The following TRDN variants were observed in gnomAD, a reference collection of about 807,000 sequenced individuals.
TRDN encodes the protein triadin.
A neutral mutation model predicts 149.7 loss-of-function variants in TRDN; 161 were observed. That is an observed-to-expected ratio of 1.08 (90% CI 0.95 to 1.23). TRDN has a LOEUF of 1.23. Ranked by LOEUF, TRDN falls within the 50% of genes most tolerant of loss-of-function variation. The pLI, the probability that TRDN is intolerant of heterozygous loss-of-function variation, is 0.00. For missense variants in TRDN, 896 were observed against 823.5 expected, an observed-to-expected ratio of 1.09 and a Z score of -1.08; for synonymous variants, 294 against 250.5, an observed-to-expected ratio of 1.17 and a Z score of -1.64.
rs1782892823 is a variant in TRDN at position 123,577,034 on chromosome 6, T to C, written c.23-5902A>G. ...GAAAGTGAATTTACAGGAGTTAAAA[T>C]AAGAAGGAACATTAGCACTGTTGAG... On this transcript the variant is annotated intron_variant, in intron 1 of 40. Transcript: ENST00000334268. Among the ~76,000 whole-genome samples, 2 of 151,986 alleles carry C rather than the reference T, an allele frequency of 1.3e-5. 1 individual carries two copies. The highest frequency in any genetic ancestry group is 4.1e-4 in the South Asian group (2 of 4,828).
At chr6:123,524,053 T>C (rs1400731592) in intron 5 of TRDN, among the ~76,000 whole-genome samples, 11 of 152,240 alleles carry the variant, frequency 7.2e-5, no homozygotes, top group African/African-American at 2.6e-4. Context: ...TTCTCAAACA[T>C]TAATGGCTCC....
intron 19 of TRDN, among the ~76,000 whole-genome samples, chr6:123,369,119 A>G (rs1243988449): frequency 6.6e-6 from 1 of 152,108 alleles, no homozygotes; most frequent in Non-Finnish European, 1.5e-5. Flanking sequence ...GCCTCCTCCT[A>G]GAGTCTGCTA....
chr6:123,464,767 A>G, intron 10 of TRDN, 139 bp downstream of exon 10: 1 of 1,409,302 alleles, frequency 7.1e-7, no homozygotes. Flanking sequence ...TTTTAGGAAA[A>G]GTATAGTTTA....
At chr6:123,332,306 C>T (rs1173983043) in intron 22 of TRDN, among the ~76,000 whole-genome samples, 2 of 31,144 alleles carry the variant, frequency 6.4e-5, no homozygotes, top group East Asian at 1.8e-3. Flanking sequence ...TTTTAGCCCA[C>T]ATTTTGTCAA....
chr6:123,231,672 T>A (rs1018425925), intron 38 of TRDN, among the ~76,000 whole-genome samples: 3 of 152,078 alleles, frequency 2.0e-5, no homozygotes, highest in African/African-American at 7.2e-5. Flanking sequence ...TATGGCCCAA[T>A]CATTTTAAAG....
intron 38 of TRDN, among the ~76,000 whole-genome samples, chr6:123,237,939 G>A (rs953559109): frequency 6.6e-6 from 1 of 152,088 alleles, no homozygotes; most frequent in Non-Finnish European, 1.5e-5. Context: ...ATTGATAACA[G>A]CATTCCCCTA....
At chr6:123,621,526 T>G (rs1301550447) in intron 1 of TRDN, among the ~76,000 whole-genome samples, 1 of 151,974 alleles carries the variant, frequency 6.6e-6, no homozygotes, top group Non-Finnish European at 1.5e-5. Context: ...CCTCCCCCAA[T>G]TGAAACAAAA....
intron 20 of TRDN, among the ~76,000 whole-genome samples, chr6:123,365,799 C>T (rs9401665): frequency 0.19 from 28,515 of 152,044 alleles, 3,780 homozygotes; most frequent in East Asian, 0.65. Context: ...TTCATTTGTT[C>T]GATTCCTAAT....
chr6:123,380,468 C>T (rs922495483), intron 16 of TRDN, among the ~76,000 whole-genome samples: 3 of 152,138 alleles, frequency 2.0e-5, no homozygotes, highest in African/African-American at 4.8e-5. Flanking sequence ...ACTGAGAGAA[C>T]TCTCTGTAGA....
chr6:123,496,854 G>T (rs1442475376), intron 9 of TRDN, among the ~76,000 whole-genome samples: 5 of 152,044 alleles, frequency 3.3e-5, no homozygotes, highest in Non-Finnish European at 7.4e-5. Context: ...TATTTTCATT[G>T]TCGTGGGTCT....
intron 2 of TRDN, among the ~76,000 whole-genome samples, chr6:123,550,037 C>T (rs940550265): frequency 1.3e-5 from 2 of 151,876 alleles, no homozygotes; most frequent in Non-Finnish European, 2.9e-5. Flanking sequence ...TTTGGGTTGC[C>T]TATTAGATAC....
At position 123,259,321 on chromosome 6, in the gene TRDN, T is replaced by C. The variant is rs531043064; in HGVS notation, c.1870+303A>G. On this transcript the variant is annotated intron_variant, in intron 35 of 40. Transcript: ENST00000334268. ...TCTTAAGGTGAGGAATTGAATTTTATGTAGGCAATATTCACAGTTCAGTAG... is the reference window on the plus strand; with the variant it reads ...TCTTAAGGTGAGGAATTGAATTTTACGTAGGCAATATTCACAGTTCAGTAG... Among the ~76,000 whole-genome samples the C allele has an allele frequency of 2.0e-5, 3 of 152,256 alleles. No individual in the cohort carries two copies. The East Asian group carries it at 5.8e-4, about 29-fold the overall frequency.
chr6:123,512,335 T>C lies in TRDN; in HGVS notation c.578A>G (p.Lys193Arg). 1 of 1,501,926 alleles carries C rather than the reference T, an allele frequency of 6.7e-7. No individual in the cohort carries two copies. Among genetic ancestry groups the C allele is most frequent in the East Asian group, 2.3e-5 (1 of 43,164 alleles). The allele number at this position is 1,501,926 out of a possible 1,614,324, so 93.0% of individuals were successfully genotyped here. Residue 193 changes from lysine to arginine, a missense_variant, in exon 7 of 41, where the codon AAA becomes AGA. Coordinates refer to ENST00000334268, the MANE Select transcript of TRDN (RefSeq NM_006073.4). Reference protein sequence around the residue: ...KATHKEKIEKKEKPETKTLAK... With the variant: ...KATHKEKIEKREKPETKTLAK... ...CAGTGTCTTTGTTTCTGGTTTTTCT[T>C]TTTTCTCAATTTTTTCCTTGTGAGT...
At chr6:123,355,014 G>A (rs926912073) in intron 20 of TRDN, among the ~76,000 whole-genome samples, 2 of 151,668 alleles carry the variant, frequency 1.3e-5, no homozygotes, top group East Asian at 1.9e-4. Flanking sequence ...TTTAATTTCA[G>A]TCTTTCCTGA....
intron 21 of TRDN, among the ~76,000 whole-genome samples, chr6:123,341,416 T>A (rs1300214507): frequency 1.3e-5 from 2 of 151,948 alleles, no homozygotes; most frequent in South Asian, 2.1e-4. Context: ...TGTTTTAAAA[T>A]CTTTACAGTG....
intron 12 of TRDN, among the ~76,000 whole-genome samples, chr6:123,401,397 TA>T (rs767416417): frequency 1.6e-4 from 25 of 152,114 alleles, no homozygotes; most frequent in Admixed American, 1.5e-3. Flanking sequence ...AACAGGGGGT[TA>T]GGGGTTGAAC....
chr6:123,319,706 T>C (rs1779170405), intron 23 of TRDN, among the ~76,000 whole-genome samples: 1 of 152,104 alleles, frequency 6.6e-6, no homozygotes, highest in South Asian at 2.1e-4. Flanking sequence ...CATTTGCCAC[T>C]GAAGCCCTTC....
At chr6:123,234,620 A>G (rs1775721539) in intron 38 of TRDN, among the ~76,000 whole-genome samples, 1 of 152,168 alleles carries the variant, frequency 6.6e-6, no homozygotes, top group South Asian at 2.1e-4. Flanking sequence ...TGGTTAAAAT[A>G]AGACTTGTGG....
chr6:123,423,991 G>T (rs576213853), intron 12 of TRDN, among the ~76,000 whole-genome samples: 8 of 152,130 alleles, frequency 5.3e-5, no homozygotes, highest in Admixed American at 1.3e-4. Flanking sequence ...AACCCCATTT[G>T]AGCCTACATG....
Sources: allele counts gnomAD v4.1 joint callset (sites outside exome capture counted in the v4.1 genomes callset), GRCh38; gene constraint gnomAD v4.1.1; transcripts MANE v1.5; gene names NCBI Gene and HGNC (gene_info 2026-07-23, HGNC 2026-07-21).